CAMTA1: variants seen among roughly 807,000 people sequenced by gnomAD.
CAMTA1 encodes the protein calmodulin-binding transcription activator 1.
A neutral mutation model predicts 170.9 loss-of-function variants in CAMTA1; 27 were observed. The ratio of observed to expected loss-of-function variants is 0.16; its 90% confidence interval spans 0.12 to 0.22. CAMTA1 has a LOEUF of 0.22. Among genes scored for constraint, CAMTA1 ranks in the 10% least tolerant of loss-of-function variants. The pLI, the probability that CAMTA1 is intolerant of heterozygous loss-of-function variation, is 1.00. For missense variants in CAMTA1, 1,619 were observed against 2,217.2 expected (o/e 0.73, Z 5.42); for synonymous variants, 833 against 891.5 (o/e 0.93, Z 1.17).
At chr1:7,488,520 T>C (rs574248060) in intron 6 of CAMTA1, among the ~76,000 whole-genome samples, 1 of 152,112 alleles carries the variant, frequency 6.6e-6, no homozygotes, top group Non-Finnish European at 1.5e-5. Context: ...CACACACATG[T>C]ACACACAATA....
chr1:7,148,150 A>G (rs1646343218), intron 4 of CAMTA1, among the ~76,000 whole-genome samples: 1 of 151,118 alleles, frequency 6.6e-6, no homozygotes, highest in African/African-American at 2.4e-5. Context: ...TACACACACG[A>G]CACAAATGTA....
intron 5 of CAMTA1, among the ~76,000 whole-genome samples, chr1:7,396,785 G>C (rs2089345188): frequency 6.6e-6 from 1 of 152,132 alleles, no homozygotes. Context: ...ATGTTAATGT[G>C]ATGTATCATG....
chr1:6,831,322 A>T (rs1024477286), intron 3 of CAMTA1, among the ~76,000 whole-genome samples: 3 of 152,254 alleles, frequency 2.0e-5, no homozygotes, highest in Non-Finnish European at 4.4e-5. Flanking sequence ...TGGTGTTCAC[A>T]TCTTCATCAG....
At chr1:6,820,121 A>C (rs1174367989) in intron 1 of CAMTA1, 60 bp from the exon 2 acceptor site, 6 of 1,019,672 alleles carry the variant, frequency 5.9e-6, no homozygotes, top group Non-Finnish European at 9.3e-6. Flanking sequence ...AATATCACAG[A>C]AGAGCCAGAT....
chr1:7,655,524 C>A (rs1252972447), intron 7 of CAMTA1, among the ~76,000 whole-genome samples: 3 of 77,370 alleles, frequency 3.9e-5, no homozygotes, highest in African/African-American at 1.2e-4. Context: ...ATGTACACAC[C>A]CACACACATA....
intron 5 of CAMTA1, among the ~76,000 whole-genome samples, chr1:7,413,708 A>G (rs1434673525): frequency 2.0e-5 from 3 of 152,200 alleles, no homozygotes; most frequent in Non-Finnish European, 4.4e-5. Flanking sequence ...GCAAACAAGG[A>G]CAATTTGACT....
At chr1:7,202,740 C>A (rs1007114451) in intron 4 of CAMTA1, among the ~76,000 whole-genome samples, 4 of 152,076 alleles carry the variant, frequency 2.6e-5, no homozygotes, top group African/African-American at 9.7e-5. Context: ...TAACCTGCAA[C>A]CTTGCTGAAT....
intron 3 of CAMTA1, among the ~76,000 whole-genome samples, chr1:6,942,770 G>C (rs2149436745): frequency 6.6e-6 from 1 of 152,380 alleles, no homozygotes; most frequent in South Asian, 2.1e-4. Context: ...TCTGCCCTGA[G>C]AGGCCTGATA....
chr1:6,935,015 A>G (rs1192013251), intron 3 of CAMTA1, among the ~76,000 whole-genome samples: 1 of 152,234 alleles, frequency 6.6e-6, no homozygotes, highest in Non-Finnish European at 1.5e-5. Context: ...AAAGAAATGC[A>G]GGAAAAGTTT....
chr1:7,536,219 C>T (rs2094547104), intron 6 of CAMTA1, among the ~76,000 whole-genome samples: 1 of 152,176 alleles, frequency 6.6e-6, no homozygotes, highest in Non-Finnish European at 1.5e-5. Context: ...AGCTCCTTTC[C>T]CCACCCCTTG....
At chr1:6,864,665 G>A (rs933432054) in intron 3 of CAMTA1, among the ~76,000 whole-genome samples, 1 of 152,056 alleles carries the variant, frequency 6.6e-6, no homozygotes, top group South Asian at 2.1e-4. Context: ...AATGATGGTC[G>A]CCCTCCACCT....
At chr1:7,645,837 T>C (rs1253494680) in intron 7 of CAMTA1, among the ~76,000 whole-genome samples, 1 of 152,248 alleles carries the variant, frequency 6.6e-6, no homozygotes, top group Non-Finnish European at 1.5e-5. Context: ...TGCACCTCCA[T>C]GCTTCTGCAC....
chr1:6,854,026 T>G (rs1025762882), intron 3 of CAMTA1, among the ~76,000 whole-genome samples: 6 of 152,194 alleles, frequency 3.9e-5, no homozygotes, highest in Admixed American at 3.3e-4. Context: ...ACATAGAAGA[T>G]TTCCATAACA....
intron 3 of CAMTA1, among the ~76,000 whole-genome samples, chr1:6,889,697 A>G (rs1192278898): frequency 6.6e-6 from 1 of 152,176 alleles, no homozygotes; most frequent in East Asian, 1.9e-4. Context: ...AGAAATCAGC[A>G]TGTTTTTCTT....
At chr1:6,897,247 G>C (rs2149177805) in intron 3 of CAMTA1, among the ~76,000 whole-genome samples, 1 of 152,236 alleles carries the variant, frequency 6.6e-6, no homozygotes, top group South Asian at 2.1e-4. Context: ...AAATGAAGGT[G>C]GGAAGATGGG....
intron 7 of CAMTA1, 25 bp downstream of exon 7, chr1:7,640,578 G>C (rs764864925): frequency 6.2e-7 from 1 of 1,613,478 alleles, no homozygotes; most frequent in African/African-American, 1.3e-5. Flanking sequence ...CCGGCCTGGC[G>C]CCCCCACGCT....
intron 5 of CAMTA1, among the ~76,000 whole-genome samples, chr1:7,315,330 G>A (rs907712376): frequency 2.0e-5 from 3 of 152,210 alleles, no homozygotes; most frequent in Admixed American, 6.5e-5. Flanking sequence ...TCTATTTGTC[G>A]GGGAGGCAGA....
intron 6 of CAMTA1, among the ~76,000 whole-genome samples, chr1:7,508,310 C>G (rs897458611): frequency 2.7e-4 from 41 of 152,212 alleles, no homozygotes; most frequent in African/African-American, 9.4e-4. Context: ...CTGCATCCCA[C>G]ACCCGTCGGA....
At chr1:7,157,017 A>T (rs1273638225) in intron 4 of CAMTA1, among the ~76,000 whole-genome samples, 1 of 152,182 alleles carries the variant, frequency 6.6e-6, no homozygotes, top group Non-Finnish European at 1.5e-5. Flanking sequence ...TGCAGAAAAA[A>T]GTATTTGACA....
Sources: gnomAD v4.1 joint callset for allele counts (sites outside exome capture counted in the v4.1 genomes callset) on GRCh38, gnomAD v4.1.1 for gene constraint, MANE v1.5 for transcripts, NCBI Gene and HGNC (gene_info 2026-07-23, HGNC 2026-07-21) for gene names.